The following DRC4 variants were observed in gnomAD, a reference collection of about 807,000 sequenced individuals.
DRC4 encodes the protein GAS-11.
At chr16:90,029,184 G>C in the DRC4 span, 1 of 1,350,820 alleles carries the variant, frequency 7.4e-7, no homozygotes, top group Non-Finnish European at 9.9e-7. Flanking sequence ...TTACGGGGCA[G>C]GCTATGGGGC....
the DRC4 span, among the ~76,000 whole-genome samples, chr16:90,021,104 C>T: frequency 1.3e-5 from 2 of 152,228 alleles, no homozygotes; most frequent in African/African-American, 4.8e-5. Flanking sequence ...TAAATCACTG[C>T]TTTGTGCAAG....
At chr16:90,029,324 C>T in the DRC4 span, 2 of 1,362,432 alleles carry the variant, frequency 1.5e-6, no homozygotes, top group Non-Finnish European at 2.0e-6. Flanking sequence ...TCCTGCCCCG[C>T]AGCAGAGGAC....
At chr16:90,031,045 A>G in the DRC4 span, 3 of 760,782 alleles carry the variant, frequency 3.9e-6, no homozygotes, top group East Asian at 6.6e-5. Context: ...TTAGGCATCA[A>G]TTCTCAGGAA....
At chr16:90,040,590 G>A in the DRC4 span, 1 of 1,359,094 alleles carries the variant, frequency 7.4e-7, no homozygotes, top group Non-Finnish European at 1.0e-6. Context: ...CTGCTCCTCG[G>A]ATAGGCACAG....
the DRC4 span, among the ~76,000 whole-genome samples, chr16:90,026,659 A>C: frequency 6.6e-6 from 1 of 150,824 alleles, no homozygotes; most frequent in Non-Finnish European, 1.5e-5. Flanking sequence ...TTTACCAAGG[A>C]GTGAGTGGGT....
the DRC4 span, chr16:90,044,429 G>A: frequency 1.1e-5 from 5 of 457,360 alleles, no homozygotes; most frequent in Non-Finnish European, 1.8e-5. Flanking sequence ...ATGATGCCCG[G>A]CCAGCAGGAC....
chr16:90,043,487 T>C, the DRC4 span: 2 of 886,064 alleles, frequency 2.3e-6, no homozygotes, highest in South Asian at 1.8e-5. Flanking sequence ...CCATCCTCTT[T>C]CCTGGCTCTG....
At chr16:90,027,717 G>A in the DRC4 span, 9 of 1,614,062 alleles carry the variant, frequency 5.6e-6, no homozygotes, top group South Asian at 9.9e-5. Context: ...CATGAGCAAG[G>A]AGCAGGTGAG....
At chr16:90,042,345 A>G in the DRC4 span, 8 of 746,046 alleles carry the variant, frequency 1.1e-5, no homozygotes, top group South Asian at 5.7e-5. Context: ...GTGTGGATGG[A>G]TGCATCCATC....
At chr16:90,031,268 G>C in the DRC4 span, 9 of 1,609,834 alleles carry the variant, frequency 5.6e-6, no homozygotes, top group Non-Finnish European at 7.6e-6. Flanking sequence ...CCCCTGCTCA[G>C]TGCCTCACCT....
At chr16:90,020,633 A>G in the DRC4 span, among the ~76,000 whole-genome samples, 5 of 152,264 alleles carry the variant, frequency 3.3e-5, no homozygotes, top group Non-Finnish European at 7.3e-5. Context: ...CAATATGAAA[A>G]GAACAGGTCG....
chr16:90,028,173 ATTTTTTTTTTTTTTT>A, the DRC4 span, among the ~76,000 whole-genome samples: 11 of 63,848 alleles, frequency 1.7e-4, no homozygotes, highest in African/African-American at 6.7e-4. Context: ...TTAATCGTTC[ATTTTTTTTTTTTTTT>A]TTTTTTTTTT....
At chr16:90,043,120 C>G in the DRC4 span, 1 of 1,497,856 alleles carries the variant, frequency 6.7e-7, no homozygotes, top group Admixed American at 2.0e-5. Flanking sequence ...CGCTGCCCCT[C>G]CATGGAGCTG....
At chr16:90,029,386 G>A in the DRC4 span, 2 of 1,109,492 alleles carry the variant, frequency 1.8e-6, no homozygotes, top group Non-Finnish European at 2.4e-6. Context: ...GTTCAGTGCT[G>A]TTTTTTTCTG....
the DRC4 span, chr16:90,027,728 C>G: frequency 1.2e-6 from 2 of 1,613,712 alleles, no homozygotes; most frequent in East Asian, 2.2e-5. Context: ...AGCAGGTGAG[C>G]AGAGCGGGCT....
the DRC4 span, chr16:90,027,598 C>T: frequency 6.3e-7 from 1 of 1,591,732 alleles, no homozygotes; most frequent in African/African-American, 1.3e-5. Context: ...GAAGGGGAAG[C>T]TGTTAGAGTC....
At chr16:90,043,910 C>T in the DRC4 span, 17 of 445,894 alleles carry the variant, frequency 3.8e-5, no homozygotes, top group African/African-American at 1.8e-4. Flanking sequence ...TGCCAGTCTT[C>T]GCTCTAACTC....
chr16:90,024,049 G>A, the DRC4 span, among the ~76,000 whole-genome samples: 2 of 151,116 alleles, frequency 1.3e-5, no homozygotes, highest in African/African-American at 2.4e-5. Context: ...GGAGTCCAAG[G>A]TGGGTGGATC....
At chr16:90,031,114 C>T in the DRC4 span, 1 of 1,354,532 alleles carries the variant, frequency 7.4e-7, no homozygotes, top group Non-Finnish European at 9.9e-7. Context: ...AATTCTGCCA[C>T]CTGCTGAATG....
Sources: gnomAD v4.1 joint callset for allele counts (sites outside exome capture counted in the v4.1 genomes callset) on GRCh38, gnomAD v4.1.1 for gene constraint, MANE v1.5 for transcripts, NCBI Gene and HGNC (gene_info 2026-07-23, HGNC 2026-07-21) for gene names.